Variants in INTS12 observed in about 807,000 individuals in gnomAD.
The protein encoded by INTS12 is integrator complex subunit 12.
INTS12 carries 13 observed loss-of-function variants against 41.6 expected under a neutral mutation model. That is an observed-to-expected ratio of 0.31 (90% CI 0.20 to 0.50). The LOEUF is 0.50. Among genes scored for constraint, INTS12 ranks in the 20% least tolerant of loss-of-function variants. INTS12 has a pLI of 0.98. For synonymous variants in INTS12, 199 were observed against 191.4 expected (o/e 1.04, Z -0.33); for missense variants, 432 against 541.6 (o/e 0.80, Z 2.01).
rs1048572791 is a variant in INTS12 at position 105,686,621 on chromosome 4, T to A, written c.804+71A>T. The A allele has an allele frequency of 2.6e-4, 317 of 1,228,728 alleles. 2 individuals are homozygous for A. The highest frequency in any genetic ancestry group is 3.5e-4 in the Non-Finnish European group (307 of 880,750). 76.1% of individuals were successfully genotyped at this position (1,228,728 alleles called of 1,614,324 possible). A position where few individuals can be genotyped will look rare whatever the true frequency, so the allele number is the denominator to read the frequency against. The stretch of plus-strand genomic sequence containing the variant: ...ATATAAAGTTTCTCATTAAATTTTT[T>A]ATCAAGCAACTATTTTTTAGTCAAC... On this transcript the variant is annotated intron_variant, in intron 7 of 7. Coordinates refer to ENST00000340139, the MANE Select transcript of INTS12 (RefSeq NM_020395.4).
chr4:105,684,265 T>C (rs1731427360), intron 7 of INTS12, among the ~76,000 whole-genome samples: 1 of 152,166 alleles, frequency 6.6e-6, no homozygotes, highest in African/African-American at 2.4e-5. Context: ...AATGTACGTA[T>C]TCAAATTAAT....
chr4:105,687,272 G>A (rs1731529677), intron 6 of INTS12, among the ~76,000 whole-genome samples: 1 of 152,056 alleles, frequency 6.6e-6, no homozygotes, highest in Non-Finnish European at 1.5e-5. Flanking sequence ...TTAAAACACA[G>A]CTCAGATCAT....
At chr4:105,702,601 C>T (rs1263348927) in intron 2 of INTS12, among the ~76,000 whole-genome samples, 3 of 152,214 alleles carry the variant, frequency 2.0e-5, no homozygotes, top group Admixed American at 6.5e-5. Context: ...ATTCTCCTTT[C>T]TGACTACAAT....
At position 105,683,326 on chromosome 4, in the gene INTS12, ATAAAG is replaced by A. The variant is rs756845664; in HGVS notation, c.805-14_805-10del. The A allele has an allele frequency of 9.5e-6, 15 of 1,573,202 alleles. No individual in the cohort carries two copies. Among genetic ancestry groups the A allele is most frequent in the African/African-American group, 6.8e-5 (5 of 73,168 alleles). ...GAAATAACTGTGGATGTCTAAAAAA[ATAAAG>A]TAAATAATTACATTAGAGCCAAGTT... On this transcript the variant is annotated splice_polypyrimidine_tract_variant and intron_variant, in intron 7 of 7. Coordinates refer to ENST00000340139, the MANE Select transcript of INTS12 (RefSeq NM_020395.4).
chr4:105,688,527 A>C (rs1162317461), intron 6 of INTS12, among the ~76,000 whole-genome samples: 1 of 152,218 alleles, frequency 6.6e-6, no homozygotes, highest in Non-Finnish European at 1.5e-5. Flanking sequence ...GAATATTAAG[A>C]ATGTTCGAAG....
At chr4:105,708,026 G>A in intron 1 of INTS12, 1 of 985,366 alleles carries the variant, frequency 1.0e-6, no homozygotes, top group Non-Finnish European at 1.2e-6. Context: ...ATTTCATAAT[G>A]GCTCTAAAAA....
intron 2 of INTS12, among the ~76,000 whole-genome samples, chr4:105,701,189 T>G (rs1732057914): frequency 6.6e-6 from 1 of 150,540 alleles, no homozygotes; most frequent in Admixed American, 6.6e-5. Context: ...TCACTCCTCA[T>G]CCTTCTCCAC....
chr4:105,696,334 C>T (rs1731865492), intron 3 of INTS12, among the ~76,000 whole-genome samples: 1 of 152,032 alleles, frequency 6.6e-6, no homozygotes, highest in Non-Finnish European at 1.5e-5. Context: ...CATCATCAAG[C>T]AAGAAAAATA....
chr4:105,692,291 C>T (rs528944586), intron 5 of INTS12, among the ~76,000 whole-genome samples, 156 bp from the exon 6 acceptor site: 1 of 152,026 alleles, frequency 6.6e-6, no homozygotes, highest in South Asian at 2.1e-4. Flanking sequence ...CAAGACCAGC[C>T]TGGCTGACAC....
chr4:105,682,876 T>G lies in INTS12; in HGVS notation c.1246A>C (p.Thr416Pro), dbSNP rs761212476. The change falls in exon 8 of 8, where the codon ACT becomes CCT. Residue 416 changes from threonine (T) to proline (P), a missense_variant. By Grantham distance (38) the Thr-to-Pro change is conservative (BLOSUM62 -1). Transcript: ENST00000340139. ...GATTCTGAAGTAGTTTTGCTGGTAG[T>G]ACTTCCACTAGGTCCTGATGTTCCA... ...NSGTSGPSGSTTSKTTSESSS... is the reference protein window; with the variant it reads ...NSGTSGPSGSPTSKTTSESSS... 2.5e-6 allele frequency: 4 copies of G among 1,613,998 alleles called. No homozygotes were observed.
At chr4:105,683,386 T>C in intron 7 of INTS12, 69 bp from the exon 8 acceptor site, 1 of 1,135,128 alleles carries the variant, frequency 8.8e-7, no homozygotes, top group Non-Finnish European at 1.2e-6. Flanking sequence ...CATCCCAAGT[T>C]ATGAATTGGG....
intron 7 of INTS12, 52 bp from the exon 8 acceptor site, chr4:105,683,369 GTATAAACATCCCAAGT>G (rs760317339): frequency 7.2e-6 from 9 of 1,256,104 alleles, no homozygotes; most frequent in Non-Finnish European, 9.8e-6. Context: ...ATCAGTACCT[GTATAAACATCCCAAGT>G]TATGAATTGG....
chr4:105,683,579 AG>A (rs1731401128), intron 7 of INTS12, among the ~76,000 whole-genome samples: 1 of 152,190 alleles, frequency 6.6e-6, no homozygotes, highest in African/African-American at 2.4e-5. Flanking sequence ...AATTGCTTTT[AG>A]ATTCAATTCT....
intron 3 of INTS12, among the ~76,000 whole-genome samples, chr4:105,698,200 A>G (rs1236743923): frequency 6.6e-6 from 1 of 152,216 alleles, no homozygotes; most frequent in Non-Finnish European, 1.5e-5. Flanking sequence ...ATTATTTCAC[A>G]TTTGCCTTCC....
intron 2 of INTS12, 44 bp from the exon 3 acceptor site, chr4:105,700,058 T>C (rs768009103): frequency 7.7e-7 from 1 of 1,293,672 alleles, no homozygotes; most frequent in Non-Finnish European, 1.0e-6. Context: ...CAATGCACAA[T>C]TATCTATGTT....
At chr4:105,695,769 T>G (rs1057114530) in intron 3 of INTS12, 101 bp from the exon 4 acceptor site, 3 of 902,952 alleles carry the variant, frequency 3.3e-6, no homozygotes, top group Admixed American at 4.8e-5. Context: ...TTAAGACATT[T>G]CATTATAACC....
intron 4 of INTS12, 120 bp from the exon 5 acceptor site, chr4:105,693,606 C>G (rs1274153920): frequency 2.8e-6 from 2 of 722,876 alleles, no homozygotes; most frequent in East Asian, 5.0e-5. Context: ...GATATATTCA[C>G]ATAGTTAGGG....
chr4:105,699,760 CAG>C, intron 3 of INTS12, 88 bp downstream of exon 3: 3 of 887,638 alleles, frequency 3.4e-6, no homozygotes, highest in Non-Finnish European at 4.8e-6. Flanking sequence ...ATTATTTCGG[CAG>C]AGATTGTTTT....
In INTS12 at chr4:105,704,757, CT is replaced by C. The variant is rs781587837; in HGVS notation, c.-171-949del. Among the ~76,000 whole-genome samples, 34 of 152,260 alleles carry C rather than the reference CT, an allele frequency of 2.2e-4. No individual in the cohort carries two copies. In the East Asian group the frequency reaches 2.3e-3, roughly 10 times the overall value. On this transcript the variant is annotated intron_variant, in intron 1 of 7. Transcript: ENST00000340139. ...ATCCCTTTTTCAAATGATATTTACC[CT>C]ATTGCCCAAGCCAGTAACCCAGAAG...
Sources: allele counts gnomAD v4.1 joint callset (sites outside exome capture counted in the v4.1 genomes callset), GRCh38; gene constraint gnomAD v4.1.1; transcripts MANE v1.5; gene names NCBI Gene and HGNC (gene_info 2026-07-23, HGNC 2026-07-21).